SDK1: variants seen among roughly 807,000 people sequenced by gnomAD.
SDK1 encodes protein sidekick-1.
In SDK1, 157 loss-of-function variants were observed where a neutral mutation model predicts 245.5. The observed-to-expected ratio is 0.64, with a 90% CI of 0.56 to 0.73. The LOEUF is 0.73. Ranked by LOEUF, SDK1 falls within the 30% of genes least tolerant of loss-of-function variation. SDK1 has a pLI of 0.00. For missense variants in SDK1, 3,583 were observed against 3,002.3 expected, an observed-to-expected ratio of 1.19 and a Z score of -4.52; for synonymous variants, 1,647 against 1,278.5, an observed-to-expected ratio of 1.29 and a Z score of -6.15.
intron 4 of SDK1, among the ~76,000 whole-genome samples, chr7:3,746,906 T>G (rs1197427707): frequency 1.3e-5 from 2 of 152,244 alleles, no homozygotes; most frequent in Non-Finnish European, 2.9e-5. Context: ...GCATCTAGAA[T>G]GATGAATGCT....
intron 15 of SDK1, among the ~76,000 whole-genome samples, chr7:4,011,551 G>C: frequency 6.6e-6 from 1 of 152,300 alleles, no homozygotes; most frequent in Non-Finnish European, 1.5e-5. Flanking sequence ...CGGTCTTCAC[G>C]CTCTCCCATC....
intron 16 of SDK1, among the ~76,000 whole-genome samples, chr7:4,014,656 T>C (rs1786254856): frequency 6.6e-6 from 1 of 152,170 alleles, no homozygotes; most frequent in Non-Finnish European, 1.5e-5. Context: ...TAATAAAATA[T>C]TTATAATAAT....
intron 1 of SDK1, among the ~76,000 whole-genome samples, chr7:3,408,866 C>G (rs1476075868): frequency 2.0e-5 from 3 of 152,170 alleles, no homozygotes; most frequent in Admixed American, 2.0e-4. Context: ...ACTTCTTTAT[C>G]AAAGGCTTGC....
intron 1 of SDK1, among the ~76,000 whole-genome samples, chr7:3,578,794 T>A (rs1780389145): frequency 6.6e-6 from 1 of 151,874 alleles, no homozygotes; most frequent in Admixed American, 6.6e-5. Context: ...CTTCCCTTGT[T>A]CCCTAAAATC....
intron 1 of SDK1, among the ~76,000 whole-genome samples, chr7:3,533,852 C>T (rs964989697): frequency 6.6e-6 from 1 of 150,610 alleles, no homozygotes; most frequent in African/African-American, 2.4e-5. Context: ...TTTCCTTTTG[C>T]TTTCTTTGTT....
chr7:3,633,215 C>G (rs1292364428), intron 2 of SDK1, among the ~76,000 whole-genome samples: 1 of 152,042 alleles, frequency 6.6e-6, no homozygotes, highest in Admixed American at 6.5e-5. Context: ...ATAGTCTTAT[C>G]TAAAGTGACA....
At chr7:3,938,414 G>A (rs1339253350) in intron 5 of SDK1, among the ~76,000 whole-genome samples, 3 of 152,028 alleles carry the variant, frequency 2.0e-5, no homozygotes, top group Non-Finnish European at 4.4e-5. Context: ...AGGCCGAGGC[G>A]GGAGGATCAC....
chr7:3,919,742 T>G (rs1779522968), intron 5 of SDK1, among the ~76,000 whole-genome samples: 1 of 152,156 alleles, frequency 6.6e-6, no homozygotes, highest in Non-Finnish European at 1.5e-5. Flanking sequence ...AACGTATGGT[T>G]TTGTTGGGAA....
intron 1 of SDK1, among the ~76,000 whole-genome samples, chr7:3,522,067 G>T (rs1782957141): frequency 6.6e-6 from 1 of 151,974 alleles, no homozygotes; most frequent in African/African-American, 2.4e-5. Flanking sequence ...TCATAGGATT[G>T]TTACCATTTC....
In SDK1 at chr7:4,079,474, G is replaced by T. The variant is rs932112156; in HGVS notation, c.3214G>T (p.Ala1072Ser). ...SSGVPPDLPG[A>S]PSNLVISNIS... is the part of the protein sequence containing the mutation. ...TGGTTCCTCTCTAGACCTTCCTGGT[G>T]CCCCATCCAACCTGGTCATTTCCAA... The change falls in exon 22 of 45, where the codon GCC (alanine) becomes TCC (serine). Residue 1072 changes from alanine to serine, a missense_variant. Physicochemically the swap from Ala to Ser is moderately conservative, Grantham distance 99 (BLOSUM62 1). Coordinates refer to ENST00000404826, the MANE Select transcript of SDK1 (RefSeq NM_152744.4). 6.2e-7 allele frequency: 1 copy of T among 1,614,034 alleles called. No homozygotes were observed. Among genetic ancestry groups the T allele is most frequent in the African/African-American group, 1.3e-5 (1 of 74,910 alleles).
chr7:3,988,756 C>T (rs1353483685), intron 14 of SDK1, among the ~76,000 whole-genome samples: 1 of 152,114 alleles, frequency 6.6e-6, no homozygotes, highest in Non-Finnish European at 1.5e-5. Context: ...CACGCCAGCC[C>T]GATTTCACCT....
chr7:4,035,589 G>A (rs1217655534), intron 17 of SDK1, among the ~76,000 whole-genome samples: 3 of 152,178 alleles, frequency 2.0e-5, no homozygotes, highest in Non-Finnish European at 2.9e-5. Flanking sequence ...TTATGTTGAT[G>A]TCTTTGGGAA....
In SDK1 at chr7:3,727,521, C is replaced by T. The variant is rs150911065; in HGVS notation, c.713+85416C>T. Among the ~76,000 whole-genome samples the T allele has an allele frequency of 1.4e-4, 22 of 152,164 alleles. 1 individual carries two copies. The South Asian group carries it at 2.5e-3, about 17-fold the overall frequency. ...TTTCTTTTTTTTTGAGACGGAGCCT[C>T]GCTCTGTCACTCAGGCTGGAGTGCA... On this transcript the variant is annotated intron_variant, in intron 4 of 44. Coordinates refer to ENST00000404826, the MANE Select transcript of SDK1 (RefSeq NM_152744.4).
intron 35 of SDK1, among the ~76,000 whole-genome samples, chr7:4,189,263 C>T (rs1356472854): frequency 6.6e-6 from 1 of 150,910 alleles, no homozygotes; most frequent in Non-Finnish European, 1.5e-5. Context: ...AGTTTTATTG[C>T]GGCGGTTGCT....
At chr7:4,229,980 G>T (rs1180188600) in intron 40 of SDK1, among the ~76,000 whole-genome samples, 2 of 150,910 alleles carry the variant, frequency 1.3e-5, no homozygotes, top group African/African-American at 4.9e-5. Context: ...ATGGGTGGAT[G>T]GGTGGAAGGA....
At chr7:4,221,146 ACCGGTCTGACCC>A in intron 39 of SDK1, 81 bp from the exon 40 acceptor site, 1 of 1,481,296 alleles carries the variant, frequency 6.8e-7, no homozygotes, top group Non-Finnish European at 9.2e-7. Flanking sequence ...TGCAGCCTCG[ACCGGTCTGACCC>A]CCCACTGTGA....
chr7:3,330,509 AAGAAG>A (rs1414359313), intron 1 of SDK1, among the ~76,000 whole-genome samples: 1 of 152,100 alleles, frequency 6.6e-6, no homozygotes, highest in Non-Finnish European at 1.5e-5. Context: ...TTGGCTTTGT[AAGAAG>A]AGAAAGAGAT....
At chr7:3,322,175 C>T (rs1203412018) in intron 1 of SDK1, among the ~76,000 whole-genome samples, 2 of 152,046 alleles carry the variant, frequency 1.3e-5, no homozygotes, top group African/African-American at 2.4e-5. Flanking sequence ...TAAGCAGCCC[C>T]TAATGACCAT....
chr7:3,770,008 C>G (rs1030241770), intron 4 of SDK1, among the ~76,000 whole-genome samples: 2 of 151,350 alleles, frequency 1.3e-5, no homozygotes, highest in African/African-American at 4.9e-5. Flanking sequence ...TGTAAGTTCA[C>G]ATATCCCTAC....
Sources: gnomAD v4.1 joint callset for allele counts (sites outside exome capture counted in the v4.1 genomes callset) on GRCh38, gnomAD v4.1.1 for gene constraint, MANE v1.5 for transcripts, NCBI Gene and HGNC (gene_info 2026-07-23, HGNC 2026-07-21) for gene names.